Variants in ANGPTL6 observed in about 807,000 individuals in gnomAD.
The protein encoded by ANGPTL6 is angiopoietin-related protein 6.
A neutral mutation model predicts 47.4 loss-of-function variants in ANGPTL6; 45 were observed. The ratio of observed to expected loss-of-function variants is 0.95; its 90% CI spans 0.75 to 1.22. The LOEUF (loss-of-function observed/expected upper bound fraction) is 1.22, where lower values mean the gene tolerates loss of function less well. Among genes scored for constraint, ANGPTL6 ranks in the 50% most tolerant of loss-of-function variants. ANGPTL6 has a pLI of 0.00. For missense variants in ANGPTL6, 698 were observed against 669.4 expected (o/e 1.04, Z -0.47); for synonymous variants, 290 against 295.9 (o/e 0.98, Z 0.20).
At chr19:10,098,750 G>C (rs753216166) in intron 1 of ANGPTL6, among the ~76,000 whole-genome samples, 1 of 151,772 alleles carries the variant, frequency 6.6e-6, no homozygotes, top group Non-Finnish European at 1.5e-5. Flanking sequence ...CTTGAACCTG[G>C]GAGGTGGAGG....
chr19:10,093,028 A>T (rs2088432200), intron 5 of ANGPTL6: 1 of 490,126 alleles, frequency 2.0e-6, no homozygotes, highest in Non-Finnish European at 3.6e-6. Context: ...CTTTTCTGCA[A>T]ACTAGGAGTC....
At chr19:10,099,917 C>A (rs1439589518) in intron 1 of ANGPTL6, among the ~76,000 whole-genome samples, 1 of 147,660 alleles carries the variant, frequency 6.8e-6, no homozygotes, top group African/African-American at 2.5e-5. Context: ...CGGAGTCTCG[C>A]TCTGCAATCT....
chr19:10,106,164 G>T, upstream of ANGPTL6: 2 of 710,376 alleles, frequency 2.8e-6, no homozygotes, highest in Non-Finnish European at 4.4e-6. Context: ...CGGCGGATTC[G>T]TTTCTCTGCA....
Position 10,096,199 on chromosome 19 carries a change from G to T in ANGPTL6, c.365C>A (p.Ala122Glu), listed in dbSNP as rs1309257997. Residue 122 changes from alanine (A) to glutamate (E), a missense_variant, in exon 2 of 6, where the codon GCG becomes GAG. Coordinates refer to ENST00000253109, the MANE Select transcript of ANGPTL6 (RefSeq NM_031917.3). ...CGCCCCCAGATCCGCCCCCGGGCCC[G>T]CCCCGGGCCCCGCCTCGTGCTGCAG... ...AQLQHEAGPGAGPGADLGAEP... is the reference protein window; with the variant it reads ...AQLQHEAGPGEGPGADLGAEP... 1.4e-5 allele frequency: 17 copies of T among 1,226,416 alleles called. No individual in the cohort carries two copies. Among genetic ancestry groups the T allele is most frequent in the Non-Finnish European group, 1.6e-5 (16 of 984,204 alleles). 76.0% of individuals were successfully genotyped at this position (1,226,416 alleles called of 1,614,324 possible). A position where few individuals can be genotyped will look rare whatever the true frequency, so the allele number is the denominator to read the frequency against.
upstream of ANGPTL6, among the ~76,000 whole-genome samples, chr19:10,105,742 C>A (rs955809748): frequency 6.6e-6 from 1 of 152,102 alleles, no homozygotes; most frequent in Non-Finnish European, 1.5e-5. Flanking sequence ...GTCCCTTTCC[C>A]CCACTGCAAG....
At chr19:10,103,615 AT>A (rs1599296850), upstream of ANGPTL6, among the ~76,000 whole-genome samples, 1 of 25,028 alleles carries the variant, frequency 4.0e-5, no homozygotes, top group Non-Finnish European at 7.8e-5. Flanking sequence ...AAATAAATAA[AT>A]AAATAAATAA....
At chr19:10,097,992 A>C (rs2088589598) in intron 1 of ANGPTL6, among the ~76,000 whole-genome samples, 1 of 137,804 alleles carries the variant, frequency 7.3e-6, no homozygotes, top group African/African-American at 2.7e-5. Context: ...ACGTATCCAG[A>C]CCCTGTCTCT....
intron 1 of ANGPTL6, among the ~76,000 whole-genome samples, chr19:10,101,804 CAAAA>C (rs1019332736): frequency 9.2e-5 from 5 of 54,106 alleles, no homozygotes; most frequent in African/African-American, 3.9e-4. Context: ...GAGCAAGGCT[CAAAA>C]AAAAAAAAAA....
chr19:10,095,495 C>G (rs1036353762), intron 2 of ANGPTL6, among the ~76,000 whole-genome samples: 1 of 152,138 alleles, frequency 6.6e-6, no homozygotes, highest in Non-Finnish European at 1.5e-5. Context: ...TTGATCTGTG[C>G]CCCAGCCTCC....
chr19:10,093,200 C>T lies in ANGPTL6; in HGVS notation c.1222+149G>A. ...CCATCCCCCCACCAGGATAAAAGTCCTGACCTTTGTTCTCTTGACGGAATA... is the reference window on the plus strand; with the variant it reads ...CCATCCCCCCACCAGGATAAAAGTCTTGACCTTTGTTCTCTTGACGGAATA... On this transcript the variant is annotated intron_variant, in intron 5 of 5. Coordinates refer to ENST00000253109, the MANE Select transcript of ANGPTL6 (RefSeq NM_031917.3). The T allele has an allele frequency of 2.7e-5, 30 of 1,130,622 alleles. No individual in the cohort carries two copies. In the South Asian group the frequency reaches 4.6e-4, roughly 17 times the overall value. 70.0% of individuals were successfully genotyped at this position (1,130,622 alleles called of 1,614,324 possible).
At chr19:10,100,914 G>A (rs2088661796) in intron 1 of ANGPTL6, among the ~76,000 whole-genome samples, 1 of 151,730 alleles carries the variant, frequency 6.6e-6, no homozygotes, top group Non-Finnish European at 1.5e-5. Context: ...AGGCCGAGGT[G>A]CCTGTAATCC....
At chr19:10,095,914 G>A (rs930650076) in intron 2 of ANGPTL6, 68 bp downstream of exon 2, 1 of 951,336 alleles carries the variant, frequency 1.1e-6, no homozygotes, top group African/African-American at 1.7e-5. Context: ...CTGTGGATAA[G>A]AGATCGTGGG....
intron 2 of ANGPTL6, 111 bp from the exon 3 acceptor site, chr19:10,095,049 A>T: frequency 8.6e-7 from 1 of 1,158,080 alleles, no homozygotes; most frequent in South Asian, 1.7e-5. Context: ...TGACCTGGAC[A>T]TCTGGCAGTG....
rs2088607056 is a variant in ANGPTL6 at position 10,098,793 on chromosome 19, C to T, written c.-10-2220G>A. Among the ~76,000 whole-genome samples, 3 of 151,692 alleles carry T rather than the reference C, an allele frequency of 2.0e-5. No homozygotes were observed. In the South Asian group the frequency reaches 6.3e-4, roughly 32 times the overall value. On this transcript the variant is annotated intron_variant, in intron 1 of 5. Coordinates refer to ENST00000253109, the MANE Select transcript of ANGPTL6 (RefSeq NM_031917.3). ...GAGCCGAGATCGCACCACCGCACTC[C>T]AGCCTGGACAACAAAAGCAAAACAC...
upstream of ANGPTL6, among the ~76,000 whole-genome samples, chr19:10,104,267 CA>C (rs771673941): frequency 2.0e-5 from 3 of 148,426 alleles, no homozygotes; most frequent in Non-Finnish European, 3.0e-5. Flanking sequence ...TTCATATGTA[CA>C]GTGATAGCTA....
chr19:10,096,222 C>T lies in ANGPTL6; in HGVS notation c.342G>A (p.Leu114=). 1 of 1,197,174 alleles carries T rather than the reference C, an allele frequency of 8.4e-7. No individual in the cohort carries two copies. Among genetic ancestry groups the T allele is most frequent in the Non-Finnish European group, 1.0e-6 (1 of 966,436 alleles). 74.2% of individuals were successfully genotyped at this position (1,197,174 alleles called of 1,614,324 possible). ...CCGCCCCGGGCCCCGCCTCGTGCTG[C>T]AGCTGCGCGCGCAACTGGCCCAGGC... is the stretch of plus-strand genomic sequence containing the variant. ...SARLGQLRAQ[L]QHEAGPGAGP... is the part of the protein sequence containing the mutation. Residue 114 remains leucine (L), a synonymous_variant, in exon 2 of 6, where the codon CTG becomes CTA. Transcript: ENST00000253109.
At chr19:10,099,806 G>A (rs2088636035) in intron 1 of ANGPTL6, among the ~76,000 whole-genome samples, 2 of 145,714 alleles carry the variant, frequency 1.4e-5, no homozygotes, top group South Asian at 4.4e-4. Flanking sequence ...CCATATACAA[G>A]CTCTCTCTCT....
At position 10,102,639 on chromosome 19, in the gene ANGPTL6, T is replaced by A; in HGVS notation, c.-82A>T. On this transcript the variant is annotated 5_prime_UTR_variant, in exon 1 of 6. Transcript: ENST00000253109. ...AAGAAGTCCAAGGAAGAGCCGAGGG[T>A]CCAGTGGGGCCTCTGAGCTAGAGAC... 1.0e-6 allele frequency: 1 copy of A among 984,390 alleles called. No individual in the cohort carries two copies. The highest frequency in any genetic ancestry group is 1.2e-6 in the Non-Finnish European group (1 of 829,356). 61.0% of individuals were successfully genotyped at this position (984,390 alleles called of 1,614,324 possible). A position where few individuals can be genotyped will look rare whatever the true frequency, so the allele number is the denominator to read the frequency against.
At chr19:10,100,983 A>T (rs1044475658) in intron 1 of ANGPTL6, among the ~76,000 whole-genome samples, 1 of 151,738 alleles carries the variant, frequency 6.6e-6, no homozygotes, top group African/African-American at 2.4e-5. Context: ...CTGAGGTGGG[A>T]GGATCACTTG....
Sources: allele counts gnomAD v4.1 joint callset (sites outside exome capture counted in the v4.1 genomes callset), GRCh38; gene constraint gnomAD v4.1.1; transcripts MANE v1.5; gene names NCBI Gene and HGNC (gene_info 2026-07-23, HGNC 2026-07-21).